GYPE: variants seen among roughly 807,000 people sequenced by gnomAD.
GYPE encodes glycophorin-E.
GYPE carries 8 observed loss-of-function variants against 11.6 expected under a neutral mutation model. That is an observed-to-expected ratio of 0.69 (90% CI 0.41 to 1.25). GYPE has a LOEUF of 1.25. Ranked by LOEUF, GYPE falls within the 50% of genes most tolerant of loss-of-function variation. The pLI, the probability that GYPE is intolerant of heterozygous loss-of-function variation, is 0.01. For synonymous variants in GYPE, 28 were observed against 29.6 expected (o/e 0.94, Z 0.18); for missense variants, 90 against 92.8 (o/e 0.97, Z 0.12).
chr4:143,881,269 A>G (rs1274918641), intron 1 of GYPE, among the ~76,000 whole-genome samples: 1 of 151,966 alleles, frequency 6.6e-6, no homozygotes, highest in East Asian at 1.9e-4. Flanking sequence ...CTCATTAAAT[A>G]AATTGTGAAT....
At chr4:143,895,948 A>T (rs1459808943) in intron 1 of GYPE, among the ~76,000 whole-genome samples, 3 of 151,954 alleles carry the variant, frequency 2.0e-5, no homozygotes, top group Non-Finnish European at 4.4e-5. Context: ...AAAACTGGCT[A>T]GCCATATGTA....
intron 1 of GYPE, among the ~76,000 whole-genome samples, chr4:143,897,333 G>C (rs1744690618): frequency 6.6e-6 from 1 of 151,824 alleles, no homozygotes; most frequent in Non-Finnish European, 1.5e-5. Context: ...GTCAGGTGTG[G>C]TTGAGCACAC....
chr4:143,893,459 T>C (rs1433411351), intron 1 of GYPE, among the ~76,000 whole-genome samples: 1 of 151,720 alleles, frequency 6.6e-6, no homozygotes, highest in Non-Finnish European at 1.5e-5. Context: ...CGGATGTGCC[T>C]TTCCATGTTT....
chr4:143,890,692 T>C (rs1321265515), intron 1 of GYPE, among the ~76,000 whole-genome samples: 1 of 152,200 alleles, frequency 6.6e-6, no homozygotes, highest in Non-Finnish European at 1.5e-5. Flanking sequence ...TGTCTATGGT[T>C]CTAGTGTCAC....
intron 1 of GYPE, among the ~76,000 whole-genome samples, chr4:143,902,581 C>G (rs1329148493): frequency 2.0e-5 from 3 of 147,548 alleles, no homozygotes; most frequent in Non-Finnish European, 2.9e-5. Context: ...TCTCTCCATC[C>G]TCTCTTCTTT....
chr4:143,890,151 T>C (rs1276311129), intron 1 of GYPE, among the ~76,000 whole-genome samples: 1 of 152,218 alleles, frequency 6.6e-6, no homozygotes, highest in African/African-American at 2.4e-5. Context: ...AGGAGTGTTG[T>C]ACCTCTAACA....
At chr4:143,894,006 TTTCTTTTTA>T (rs1744519583) in intron 1 of GYPE, among the ~76,000 whole-genome samples, 1 of 152,156 alleles carries the variant, frequency 6.6e-6, no homozygotes. Context: ...GCTTTGTTCA[TTTCTTTTTA>T]TTCTTTTTTC....
chr4:143,877,427 A>G (rs1743859063), intron 2 of GYPE, among the ~76,000 whole-genome samples: 1 of 152,186 alleles, frequency 6.6e-6, no homozygotes. Context: ...TATTCCTTCC[A>G]CAGTATTCTT....
At position 143,876,789 on chromosome 4, in the gene GYPE, CCAA is replaced by C. The variant is rs752633613; in HGVS notation, c.200_202del (p.Val67del). 14 of 1,608,914 alleles carry C rather than the reference CCAA, an allele frequency of 8.7e-6. No individual in the cohort carries two copies. Among genetic ancestry groups the C allele is most frequent in the African/African-American group, 2.7e-5 (2 of 74,760 alleles). ...ACAGTAAGAAATTAAGATGATCATTCCAACAACAACAAGCATCACCTCAAAAAT... is the reference window on the plus strand; with the variant it reads ...ACAGTAAGAAATTAAGATGATCATTCCAACAACAAGCATCACCTCAAAAAT... On this transcript the variant is annotated inframe_deletion, in exon 3 of 4. Coordinates refer to ENST00000358615, the MANE Select transcript of GYPE (RefSeq NM_198682.3).
intron 1 of GYPE, among the ~76,000 whole-genome samples, chr4:143,900,555 C>T (rs538244157): frequency 7.3e-4 from 104 of 143,404 alleles, no homozygotes; most frequent in Non-Finnish European, 1.3e-3. Flanking sequence ...AATGATGGAT[C>T]GATAAGCAAA....
Position 143,897,632 on chromosome 4 carries a change from T to C in GYPE, c.37+7839A>G, listed in dbSNP as rs1234251545. 2.6e-5 allele frequency among the ~76,000 whole-genome samples: 4 copies of C among 152,160 alleles called. No homozygotes were observed. The East Asian group carries it at 7.7e-4, about 29-fold the overall frequency. ...TTAACAGTGTCTCAATAATACTTGA[T>C]TATGTTTTGAGCCTGATGAACCTGG... On this transcript the variant is annotated intron_variant, in intron 1 of 3. Coordinates refer to ENST00000358615, the MANE Select transcript of GYPE (RefSeq NM_198682.3).
intron 1 of GYPE, among the ~76,000 whole-genome samples, chr4:143,895,574 A>G (rs1354505771): frequency 6.7e-6 from 1 of 149,908 alleles, no homozygotes; most frequent in Non-Finnish European, 1.5e-5. Context: ...GAAAATGGCC[A>G]TACTGCCCAA....
intron 2 of GYPE, among the ~76,000 whole-genome samples, chr4:143,877,283 A>AT (rs1220718733): frequency 6.6e-6 from 1 of 152,206 alleles, no homozygotes; most frequent in Non-Finnish European, 1.5e-5. Flanking sequence ...TAGAATCATA[A>AT]TTTTGGAAAG....
At chr4:143,874,757 C>A (rs1743734502) in intron 3 of GYPE, among the ~76,000 whole-genome samples, 1 of 152,154 alleles carries the variant, frequency 6.6e-6, no homozygotes, top group South Asian at 2.1e-4. Context: ...ATCCTGGAGT[C>A]CCTCAGAGAT....
chr4:143,900,638 A>T (rs1240200430), intron 1 of GYPE, among the ~76,000 whole-genome samples: 1 of 151,594 alleles, frequency 6.6e-6, no homozygotes, highest in African/African-American at 2.4e-5. Context: ...AACACAATGG[A>T]ATAACATTTA....
Position 143,871,861 on chromosome 4 carries a change from C to G in GYPE, c.*401G>C, listed in dbSNP as rs1275253746. 2.0e-5 allele frequency: 3 copies of G among 152,160 alleles called. No individual in the cohort carries two copies. The highest frequency in any genetic ancestry group is 4.4e-5 in the Non-Finnish European group (3 of 68,050). 9.4% of individuals were successfully genotyped at this position (152,160 alleles called of 1,614,324 possible). A position where few individuals can be genotyped will look rare whatever the true frequency, so the allele number is the denominator to read the frequency against. On this transcript the variant is annotated 3_prime_UTR_variant, in exon 4 of 4. Coordinates refer to ENST00000358615, the MANE Select transcript of GYPE (RefSeq NM_198682.3). ...AAGGCAGTGATTGAGCAGCTGAATT[C>G]CATCCATTTGGTGGGTAAGGACCTC...
intron 1 of GYPE, among the ~76,000 whole-genome samples, chr4:143,883,565 A>T (rs1017088060): frequency 7.6e-5 from 11 of 144,470 alleles, no homozygotes; most frequent in Non-Finnish European, 1.7e-4. Context: ...TATAATTATT[A>T]ATAACATGTA....
chr4:143,892,263 C>T (rs1744436970), intron 1 of GYPE, among the ~76,000 whole-genome samples: 1 of 152,044 alleles, frequency 6.6e-6, no homozygotes, highest in East Asian at 1.9e-4. Flanking sequence ...AAAACCAGCT[C>T]CTGGGTTCAT....
chr4:143,897,931 C>T (rs1188330772), intron 1 of GYPE, among the ~76,000 whole-genome samples: 1 of 152,098 alleles, frequency 6.6e-6, no homozygotes, highest in Non-Finnish European at 1.5e-5. Context: ...GCAAATAAAA[C>T]ATAGTATATA....
Sources: gnomAD v4.1 joint callset for allele counts (sites outside exome capture counted in the v4.1 genomes callset) on GRCh38, gnomAD v4.1.1 for gene constraint, MANE v1.5 for transcripts, NCBI Gene and HGNC (gene_info 2026-07-23, HGNC 2026-07-21) for gene names.